The following ABL2 variants were observed in gnomAD, a reference collection of about 807,000 sequenced individuals.
ABL2 encodes the protein tyrosine-protein kinase ABL2.
A neutral mutation model predicts 107.7 loss-of-function variants in ABL2; 49 were observed. That is an observed-to-expected ratio of 0.45 (90% CI 0.36 to 0.58). The LOEUF is 0.58. Ranked by LOEUF, ABL2 falls within the 20% of genes least tolerant of loss-of-function variation. The pLI, the probability that ABL2 is intolerant of heterozygous loss-of-function variation, is 0.00. For missense variants in ABL2, 1,245 were observed against 1,457.0 expected, an observed-to-expected ratio of 0.85 and a Z score of 2.37; for synonymous variants, 549 against 548.6, an observed-to-expected ratio of 1.00 and a Z score of -0.01.
At chr1:179,190,973 G>A (rs949862828) in intron 1 of ABL2, among the ~76,000 whole-genome samples, 5 of 152,098 alleles carry the variant, frequency 3.3e-5, no homozygotes, top group African/African-American at 7.2e-5. Flanking sequence ...AGGAAAAAGC[G>A]TTTAATAGGA....
At chr1:179,148,196 C>T (rs1006339493) in intron 1 of ABL2, among the ~76,000 whole-genome samples, 1 of 151,886 alleles carries the variant, frequency 6.6e-6, no homozygotes, top group Non-Finnish European at 1.5e-5. Flanking sequence ...GTGCCATCAC[C>T]CCCGGCTAAT....
chr1:179,115,843 C>G (rs1654565279), intron 8 of ABL2, among the ~76,000 whole-genome samples: 1 of 152,124 alleles, frequency 6.6e-6, no homozygotes, highest in Non-Finnish European at 1.5e-5. Flanking sequence ...GATTTTGTCT[C>G]AGTTATTTGA....
At chr1:179,115,099 T>C in intron 8 of ABL2, 69 bp from the exon 9 acceptor site, 1 of 1,444,442 alleles carries the variant, frequency 6.9e-7, no homozygotes, top group Non-Finnish European at 9.3e-7. Flanking sequence ...AATTAGGTGA[T>C]TCTCTTTCAT....
At chr1:179,188,669 C>G (rs1287668951) in intron 1 of ABL2, among the ~76,000 whole-genome samples, 1 of 152,212 alleles carries the variant, frequency 6.6e-6, no homozygotes, top group East Asian at 1.9e-4. Context: ...GCACCTGTCT[C>G]CACGCACTAT....
At chr1:179,174,774 A>C (rs1348983960) in intron 1 of ABL2, among the ~76,000 whole-genome samples, 1 of 151,348 alleles carries the variant, frequency 6.6e-6, no homozygotes, top group Non-Finnish European at 1.5e-5. Flanking sequence ...ACGCACCTGT[A>C]ATCCCAGGTA....
intron 1 of ABL2, among the ~76,000 whole-genome samples, chr1:179,149,000 A>G (rs1658204875): frequency 6.6e-6 from 1 of 152,220 alleles, no homozygotes; most frequent in African/African-American, 2.4e-5. Flanking sequence ...CTAACTTTAA[A>G]CCAAAAAGTA....
intron 1 of ABL2, among the ~76,000 whole-genome samples, chr1:179,167,070 G>T (rs1018044312): frequency 6.6e-6 from 1 of 152,116 alleles, no homozygotes; most frequent in Non-Finnish European, 1.5e-5. Context: ...CAAAGGAAAA[G>T]AAATTAGTAT....
intron 1 of ABL2, chr1:179,202,001 A>T: frequency 1.2e-6 from 1 of 800,978 alleles, no homozygotes; most frequent in African/African-American, 1.8e-5. Flanking sequence ...AGGAGAGGGA[A>T]GGGAGCCAAG....
At chr1:179,123,849 T>C (rs1655463498) in intron 4 of ABL2, among the ~76,000 whole-genome samples, 1 of 152,146 alleles carries the variant, frequency 6.6e-6, no homozygotes. Flanking sequence ...CAAGCTGGTC[T>C]TGAACTCCTG....
chr1:179,148,039 CTTTTTTT>C (rs1393464807), intron 1 of ABL2, among the ~76,000 whole-genome samples: 1 of 131,050 alleles, frequency 7.6e-6, no homozygotes, highest in Non-Finnish European at 1.6e-5. Context: ...CTTTTCTTTT[CTTTTTTT>C]TTTTTTTTTT....
Position 179,110,446 on chromosome 1 carries a change from T to A in ABL2, c.1661A>T (p.Glu554Val), listed in dbSNP as rs1205980429. 1.2e-6 allele frequency: 2 copies of A among 1,610,304 alleles called. No individual in the cohort carries two copies. Among genetic ancestry groups the A allele is most frequent in the Non-Finnish European group, 1.7e-6 (2 of 1,179,122 alleles). The change falls in exon 11 of 12, where the codon GAG becomes GTG. Residue 554 changes from glutamate (E) to valine (V), a missense_variant. By Grantham distance (121) the Glu-to-Val change is moderately radical. Transcript: ENST00000502732. ...HDSSISEEVA[E>V]ELGRAASSSS... ...CGAGGAGGCGGCTCTCCCAAGCTCC[T>A]CAGCTACCTCTGTGAGGAAGACAAG... is the stretch of plus-strand genomic sequence containing the variant.
In ABL2 at chr1:179,104,507, T is replaced by A. The variant is rs144659800; in HGVS notation, c.*3211A>T. Reference sequence around the variant, plus strand: ...TGCTGCTGGTAAAGGGTCTCCACTATAATGACCTCTATGTACAGAGGTCAT... The same window carrying A: ...TGCTGCTGGTAAAGGGTCTCCACTAAAATGACCTCTATGTACAGAGGTCAT... On this transcript the variant is annotated 3_prime_UTR_variant, in exon 12 of 12. Transcript: ENST00000502732. The A allele has an allele frequency of 4.0e-3, 844 of 210,722 alleles. 5 individuals carry two copies. The highest frequency in any genetic ancestry group is 0.017 in the African/African-American group (752 of 44,256). 13.1% of individuals were successfully genotyped at this position (210,722 alleles called of 1,614,324 possible).
chr1:179,121,444 T>C, intron 5 of ABL2, 151 bp downstream of exon 5: 11 of 1,033,030 alleles, frequency 1.1e-5, no homozygotes, highest in Non-Finnish European at 1.6e-5. Context: ...TTGTCAGCAA[T>C]GGCACTAGGG....
At chr1:179,123,215 T>C (rs1275706518) in intron 4 of ABL2, among the ~76,000 whole-genome samples, 1 of 152,082 alleles carries the variant, frequency 6.6e-6, no homozygotes, top group East Asian at 1.9e-4. Flanking sequence ...AGAGCCACAA[T>C]TTACCGGTGG....
chr1:179,220,146 T>C (rs555418755), intron 1 of ABL2, among the ~76,000 whole-genome samples: 1 of 152,320 alleles, frequency 6.6e-6, no homozygotes, highest in African/African-American at 2.4e-5. Flanking sequence ...CAGTCCCAGC[T>C]CTATCATTTA....
In ABL2 at chr1:179,114,975, A is replaced by G. The variant is rs768314205; in HGVS notation, c.1464T>C (p.Gly488=). 4 of 1,610,944 alleles carry G rather than the reference A, an allele frequency of 2.5e-6. No homozygotes were observed. In the African/African-American group the frequency reaches 5.3e-5, roughly 22 times the overall value. Residue 488 remains glycine (G), a synonymous_variant, in exon 9 of 12, where the codon GGT becomes GGC. Transcript: ENST00000502732. The part of the protein sequence containing the change: ...IATYGMSPYP[G]IDLSQVYDLL... Reference sequence around the variant, plus strand: ...GGTCATAGACCTGAGACAGGTCAATACCTGGATATGGTGACATTCCATAGG... The same window carrying G: ...GGTCATAGACCTGAGACAGGTCAATGCCTGGATATGGTGACATTCCATAGG...
chr1:179,106,117 A>T lies in ABL2; in HGVS notation c.*1601T>A. 4.6e-6 allele frequency: 1 copy of T among 219,374 alleles called. No individual in the cohort carries two copies. Among genetic ancestry groups the T allele is most frequent in the East Asian group, 6.8e-5 (1 of 14,796 alleles). The allele number at this position is 219,374 out of a possible 1,614,324, so 13.6% of individuals were successfully genotyped here. A position where few individuals can be genotyped will look rare whatever the true frequency, so the allele number is the denominator to read the frequency against. ...TAATATTCCTTTGAGAGAATAAAAT[A>T]AAAATATGTGTGTATTGAGCTCTCC... On this transcript the variant is annotated 3_prime_UTR_variant, in exon 12 of 12. Coordinates refer to ENST00000502732, the MANE Select transcript of ABL2 (RefSeq NM_007314.4).
chr1:179,140,545 T>C (rs1339012435), intron 1 of ABL2, among the ~76,000 whole-genome samples: 1 of 152,230 alleles, frequency 6.6e-6, no homozygotes, highest in Non-Finnish European at 1.5e-5. Flanking sequence ...GGACCAGGAT[T>C]GTTGTCTGTT....
intron 1 of ABL2, among the ~76,000 whole-genome samples, chr1:179,159,363 C>G (rs1571220769): frequency 6.6e-6 from 1 of 152,194 alleles, no homozygotes; most frequent in African/African-American, 2.4e-5. Context: ...AAGATTATCA[C>G]AGCTTGCTGG....
Sources: gnomAD v4.1 joint callset for allele counts (sites outside exome capture counted in the v4.1 genomes callset) on GRCh38, gnomAD v4.1.1 for gene constraint, MANE v1.5 for transcripts, NCBI Gene and HGNC (gene_info 2026-07-23, HGNC 2026-07-21) for gene names.